Variants in CDS2 observed in about 807,000 individuals in gnomAD.
CDS2 encodes the protein CDP-diacylglycerol synthase 2.
Under a neutral mutation model 59.0 loss-of-function variants are expected in CDS2, and 47 were observed. The observed-to-expected ratio is 0.80, with a 90% CI of 0.63 to 1.02. The LOEUF is 1.02. CDS2 is among the 50% of genes least tolerant of loss of function. The pLI, the probability that CDS2 is intolerant of heterozygous loss-of-function variation, is 0.00. For missense variants in CDS2, 356 were observed against 558.9 expected, an observed-to-expected ratio of 0.64 and a Z score of 3.66; for synonymous variants, 207 against 206.4, an observed-to-expected ratio of 1.00 and a Z score of -0.02.
intron 2 of CDS2, among the ~76,000 whole-genome samples, chr20:5,173,980 C>T (rs1237460742): frequency 6.6e-6 from 1 of 152,208 alleles, no homozygotes; most frequent in Non-Finnish European, 1.5e-5. Flanking sequence ...TGACACTGCA[C>T]AGCACAGGAA....
intron 1 of CDS2, among the ~76,000 whole-genome samples, chr20:5,163,411 G>A (rs560241383): frequency 6.6e-6 from 1 of 152,036 alleles, no homozygotes; most frequent in Non-Finnish European, 1.5e-5. Context: ...ACAGGCATGG[G>A]CCACCACTCC....
rs1367088399 is a variant in CDS2 at position 5,191,549 on chromosome 20, G to A, written c.*1315G>A. 3 of 152,122 alleles carry A rather than the reference G, an allele frequency of 2.0e-5. No homozygotes were observed. Among genetic ancestry groups the A allele is most frequent in the African/African-American group, 7.2e-5 (3 of 41,406 alleles). The allele number at this position is 152,122 out of a possible 1,614,324, so 9.4% of individuals were successfully genotyped here. A position where few individuals can be genotyped will look rare whatever the true frequency, so the allele number is the denominator to read the frequency against. On this transcript the variant is annotated 3_prime_UTR_variant, in exon 13 of 13. Transcript: ENST00000460006. ...AATATATCAAACTATTCCGTGCCGTGGATGTTTTCATTGCCAACGAGGGTG... is the reference window on the plus strand; with the variant it reads ...AATATATCAAACTATTCCGTGCCGTAGATGTTTTCATTGCCAACGAGGGTG...
rs1177419554 is a variant in CDS2 at position 5,186,555 on chromosome 20, A to G, written c.829-132A>G. The G allele has an allele frequency of 9.2e-6, 7 of 756,964 alleles. No homozygotes were observed. In the South Asian group the frequency reaches 1.4e-4, roughly 15 times the overall value. 46.9% of individuals were successfully genotyped at this position (756,964 alleles called of 1,614,324 possible). A position where few individuals can be genotyped will look rare whatever the true frequency, so the allele number is the denominator to read the frequency against. The stretch of plus-strand genomic sequence containing the variant: ...GTAAAATATGTATGGTAAAACATGA[A>G]CCTCTGAGCACATAGCTCGCAGTTA... On this transcript the variant is annotated intron_variant, in intron 9 of 12. Transcript: ENST00000460006.
intron 1 of CDS2, among the ~76,000 whole-genome samples, chr20:5,167,702 GT>G (rs932022356): frequency 6.6e-6 from 1 of 152,230 alleles, no homozygotes; most frequent in African/African-American, 2.4e-5. Context: ...TCCTGTGTGA[GT>G]GGGGAGTTGC....
chr20:5,177,145 C>G (rs532016491), intron 4 of CDS2, among the ~76,000 whole-genome samples: 1 of 152,102 alleles, frequency 6.6e-6, no homozygotes, highest in South Asian at 2.1e-4. Context: ...GTGTTTGCCT[C>G]GCTATTTGGA....
chr20:5,142,316 G>A (rs1026291871), intron 1 of CDS2, among the ~76,000 whole-genome samples: 1 of 152,062 alleles, frequency 6.6e-6, no homozygotes, highest in Admixed American at 6.6e-5. Context: ...GCATGATGGT[G>A]CATGCCTGTA....
Position 5,132,328 on chromosome 20 carries a change from C to G in CDS2, c.57+5179C>G, listed in dbSNP as rs570158440. Among the ~76,000 whole-genome samples, 15 of 152,216 alleles carry G rather than the reference C, an allele frequency of 9.9e-5. 1 individual carries two copies. The highest frequency in any genetic ancestry group is 3.4e-3 in the Middle Eastern group (1 of 294). On this transcript the variant is annotated intron_variant, in intron 1 of 12. Coordinates refer to ENST00000460006, the MANE Select transcript of CDS2 (RefSeq NM_003818.4). The stretch of plus-strand genomic sequence containing the variant: ...GGTCAGGCTGGTCTCAAACTCCTGA[C>G]CTCAGGTGATCCACCCGCCTTGGCC...
intron 7 of CDS2, among the ~76,000 whole-genome samples, chr20:5,183,532 A>G (rs998325693): frequency 6.6e-6 from 1 of 152,226 alleles, no homozygotes; most frequent in East Asian, 1.9e-4. Flanking sequence ...TGAAGAAGAA[A>G]ACGTGAATAG....
intron 10 of CDS2, 32 bp downstream of exon 10, chr20:5,186,871 C>T (rs2091072856): frequency 1.2e-6 from 2 of 1,612,206 alleles, no homozygotes; most frequent in East Asian, 2.2e-5. Context: ...TGAGCGGCCT[C>T]CATGGACAGT....
chr20:5,179,941 G>C (rs1429524315), intron 5 of CDS2, among the ~76,000 whole-genome samples: 1 of 152,166 alleles, frequency 6.6e-6, no homozygotes, highest in East Asian at 1.9e-4. Flanking sequence ...ACCTATTTTT[G>C]ATCAGCTTGA....
At chr20:5,159,315 T>G in intron 1 of CDS2, among the ~76,000 whole-genome samples, 2 of 78,746 alleles carry the variant, frequency 2.5e-5, no homozygotes, top group Admixed American at 1.0e-4. Flanking sequence ...TCCTAATGCT[T>G]TCCCTCCCCC....
chr20:5,146,895 G>T (rs915608303), intron 1 of CDS2, among the ~76,000 whole-genome samples: 2 of 152,168 alleles, frequency 1.3e-5, no homozygotes, highest in African/African-American at 4.8e-5. Context: ...ACCTTCCTGA[G>T]TGTGTGGCTT....
chr20:5,162,593 T>C (rs770042706), intron 1 of CDS2, among the ~76,000 whole-genome samples: 1 of 152,160 alleles, frequency 6.6e-6, no homozygotes, highest in Admixed American at 6.6e-5. Context: ...GTTGGAAATA[T>C]GAATCTGAAG....
intron 1 of CDS2, among the ~76,000 whole-genome samples, chr20:5,135,900 C>T (rs1402198126): frequency 6.6e-6 from 1 of 152,238 alleles, no homozygotes; most frequent in Non-Finnish European, 1.5e-5. Context: ...ATGAGCACTG[C>T]TGTCTGTGTG....
At chr20:5,137,686 C>T (rs767133036) in intron 1 of CDS2, among the ~76,000 whole-genome samples, 9 of 151,904 alleles carry the variant, frequency 5.9e-5, no homozygotes, top group South Asian at 2.1e-4. Flanking sequence ...TGGTGGTGCA[C>T]GCCTGTAGTC....
At position 5,191,164 on chromosome 20, in the gene CDS2, T is replaced by C. The variant is rs933791242; in HGVS notation, c.*930T>C. Reference sequence around the variant, plus strand: ...TGTAGCTGCTGTGTTGTGTATATATTACTCTTAAGAGGAGTGTGTGTGTCT... The same window carrying C: ...TGTAGCTGCTGTGTTGTGTATATATCACTCTTAAGAGGAGTGTGTGTGTCT... On this transcript the variant is annotated 3_prime_UTR_variant, in exon 13 of 13. Coordinates refer to ENST00000460006, the MANE Select transcript of CDS2 (RefSeq NM_003818.4). 4 of 152,668 alleles carry C rather than the reference T, an allele frequency of 2.6e-5. No homozygotes were observed. The highest frequency in any genetic ancestry group is 4.8e-5 in the African/African-American group (2 of 41,450). 9.5% of individuals were successfully genotyped at this position (152,668 alleles called of 1,614,324 possible).
At chr20:5,162,352 C>T (rs997213683) in intron 1 of CDS2, among the ~76,000 whole-genome samples, 2 of 152,148 alleles carry the variant, frequency 1.3e-5, no homozygotes, top group African/African-American at 4.8e-5. Flanking sequence ...CTGAAAAGAA[C>T]TCTGAAATGC....
intron 1 of CDS2, among the ~76,000 whole-genome samples, chr20:5,154,475 A>G (rs1366781156): frequency 1.3e-5 from 2 of 152,202 alleles, no homozygotes; most frequent in African/African-American, 4.8e-5. Context: ...CACTCTGAGC[A>G]TTCGTCCAAA....
chr20:5,172,376 A>T (rs1473937372), intron 1 of CDS2, among the ~76,000 whole-genome samples: 1 of 152,206 alleles, frequency 6.6e-6, no homozygotes, highest in Non-Finnish European at 1.5e-5. Flanking sequence ...AAAGTACTCA[A>T]ATCTGGAGCA....
Sources: gnomAD v4.1 joint callset for allele counts (sites outside exome capture counted in the v4.1 genomes callset) on GRCh38, gnomAD v4.1.1 for gene constraint, MANE v1.5 for transcripts, NCBI Gene and HGNC (gene_info 2026-07-23, HGNC 2026-07-21) for gene names.